The following ITGA8 variants were observed in gnomAD, a reference collection of about 807,000 sequenced individuals.
The protein encoded by ITGA8 is integrin alpha-8.
A neutral mutation model predicts 142.3 loss-of-function variants in ITGA8; 91 were observed. The observed-to-expected ratio is 0.64, with a 90% CI of 0.54 to 0.76. ITGA8 has a LOEUF of 0.76. Ranked by LOEUF, ITGA8 falls within the 30% of genes least tolerant of loss-of-function variation. ITGA8 has a pLI of 0.00. For missense variants in ITGA8, 1,406 were observed against 1,327.7 expected, an observed-to-expected ratio of 1.06 and a Z score of -0.92; for synonymous variants, 505 against 485.2, an observed-to-expected ratio of 1.04 and a Z score of -0.54.
chr10:15,682,771 A>G (rs1299049096), intron 4 of ITGA8, among the ~76,000 whole-genome samples: 1 of 150,808 alleles, frequency 6.6e-6, no homozygotes, highest in Non-Finnish European at 1.5e-5. Context: ...GGATTGCTTG[A>G]GCCCAGGAAG....
At position 15,643,375 on chromosome 10, in the gene ITGA8, G is replaced by A. The variant is rs1460923423; in HGVS notation, c.1399+655C>T. ...GCTCAGTGCAGCCTCCGCCTCCCGG[G>A]TTCAGGTGATTCTTGTGCCTCAGCC... On this transcript the variant is annotated intron_variant, in intron 13 of 29. Transcript: ENST00000378076. 2.6e-5 allele frequency among the ~76,000 whole-genome samples: 4 copies of A among 152,158 alleles called. No individual in the cohort carries two copies. The South Asian group carries it at 6.2e-4, about 24-fold the overall frequency.
Position 15,607,691 on chromosome 10 carries a change from T to C in ITGA8, c.1750A>G (p.Ile584Val), listed in dbSNP as rs372458800. The change falls in exon 17 of 30, where the codon ATC becomes GTC. Residue 584 changes from isoleucine (I) to valine (V), a missense_variant. Coordinates refer to ENST00000378076, the MANE Select transcript of ITGA8 (RefSeq NM_003638.3). ...RQKSHQCQDF[I>V]VYLRDETEFR... is the part of the protein sequence containing the mutation. ...GGAATACTTACTCGAAGGTAAACGATGAAATCCTGGCACTGGTGGGATTTC... is the reference window on the plus strand; with the variant it reads ...GGAATACTTACTCGAAGGTAAACGACGAAATCCTGGCACTGGTGGGATTTC... 2.2e-5 allele frequency: 36 copies of C among 1,613,752 alleles called. No homozygotes were observed. The African/African-American group carries it at 4.7e-4, about 21-fold the overall frequency.
chr10:15,565,818 G>A (rs1834069153), intron 25 of ITGA8, among the ~76,000 whole-genome samples: 1 of 151,894 alleles, frequency 6.6e-6, no homozygotes, highest in Non-Finnish European at 1.5e-5. Context: ...TTGAACTCCT[G>A]ACTTCAAGTG....
intron 3 of ITGA8, among the ~76,000 whole-genome samples, chr10:15,685,178 G>A (rs533011001): frequency 6.6e-6 from 1 of 152,320 alleles, no homozygotes; most frequent in East Asian, 1.9e-4. Context: ...GGCAATTCAA[G>A]TCTCTGGCCC....
chr10:15,586,678 A>C lies in ITGA8; in HGVS notation c.2292-14T>G, dbSNP rs1588660090. On this transcript the variant is annotated splice_polypyrimidine_tract_variant and intron_variant, in intron 22 of 29. Coordinates refer to ENST00000378076, the MANE Select transcript of ITGA8 (RefSeq NM_003638.3). Reference sequence around the variant, plus strand: ...TCCTTGTTGGAACTAAAACACAAGGACATGTGATTTAAATCTATCTGCTCA... The same window carrying C: ...TCCTTGTTGGAACTAAAACACAAGGCCATGTGATTTAAATCTATCTGCTCA... The C allele has an allele frequency of 6.5e-7, 1 of 1,528,788 alleles. No individual in the cohort carries two copies. The allele number at this position is 1,528,788 out of a possible 1,614,324, so 94.7% of individuals were successfully genotyped here. A position where few individuals can be genotyped will look rare whatever the true frequency, so the allele number is the denominator to read the frequency against.
chr10:15,639,707 G>T (rs1481043552), intron 13 of ITGA8, among the ~76,000 whole-genome samples: 1 of 152,194 alleles, frequency 6.6e-6, no homozygotes, highest in Non-Finnish European at 1.5e-5. Flanking sequence ...CATTCCCAAA[G>T]TACTGCACAC....
chr10:15,531,870 G>C (rs7087904), intron 27 of ITGA8, among the ~76,000 whole-genome samples: 17,080 of 152,082 alleles, frequency 0.11, 1,022 homozygotes, highest in Middle Eastern at 0.16. Context: ...GCTTGAACCT[G>C]GGGGGCGCAG....
Position 15,694,111 on chromosome 10 carries a change from A to G in ITGA8, c.344-6073T>C, listed in dbSNP as rs926759193. 4.8e-5 allele frequency among the ~76,000 whole-genome samples: 7 copies of G among 146,170 alleles called. No individual in the cohort carries two copies. In the East Asian group the frequency reaches 1.4e-3, roughly 29 times the overall value. On this transcript the variant is annotated intron_variant, in intron 2 of 29. Transcript: ENST00000378076. ...TATATTTATAATATACCTATATATT[A>G]TATATCATATATCTATATTATATAG...
intron 25 of ITGA8, among the ~76,000 whole-genome samples, chr10:15,566,327 G>A (rs1320104905): frequency 2.6e-5 from 4 of 152,144 alleles, no homozygotes; most frequent in Admixed American, 1.3e-4. Flanking sequence ...TTAGTCTATA[G>A]AGTCTTTCAG....
chr10:15,665,452 C>T (rs1289118023), intron 8 of ITGA8, among the ~76,000 whole-genome samples: 1 of 151,854 alleles, frequency 6.6e-6, no homozygotes, highest in African/African-American at 2.4e-5. Context: ...AAAATTTTTT[C>T]CCATTTTTTA....
chr10:15,664,629 T>A (rs2131676288), intron 8 of ITGA8, among the ~76,000 whole-genome samples: 1 of 151,976 alleles, frequency 6.6e-6, no homozygotes, highest in African/African-American at 2.4e-5. Flanking sequence ...ACTCGTCATT[T>A]AGCATTAGGT....
chr10:15,619,906 C>CATAATTCATAAATTCATAA (rs1833457955), intron 13 of ITGA8, among the ~76,000 whole-genome samples: 1 of 152,196 alleles, frequency 6.6e-6, no homozygotes, highest in Non-Finnish European at 1.5e-5. Context: ...GTGCTTTGTT[C>CATAATTCATAAATTCATAA]TTGGCCCCAA....
chr10:15,616,697 C>G (rs76641710), intron 13 of ITGA8, 138 bp from the exon 14 acceptor site: 1 of 725,068 alleles, frequency 1.4e-6, no homozygotes, highest in African/African-American at 1.8e-5. Context: ...GAAATCACAC[C>G]TTTCTTAAGG....
chr10:15,670,685 T>C lies in ITGA8; in HGVS notation c.847+918A>G, dbSNP rs117092565. ...TAGGCAGCCAGTGTGATTTGTTCTCTTTTTTTCTTTTAGATTACAAGCATG... is the reference window on the plus strand; with the variant it reads ...TAGGCAGCCAGTGTGATTTGTTCTCCTTTTTTCTTTTAGATTACAAGCATG... On this transcript the variant is annotated intron_variant, in intron 8 of 29. Transcript: ENST00000378076. Among the ~76,000 whole-genome samples the C allele has an allele frequency of 1.1e-3, 171 of 152,290 alleles. 1 individual carries two copies. The East Asian group carries it at 0.026, about 23-fold the overall frequency.
At chr10:15,640,363 T>C (rs1234912769) in intron 13 of ITGA8, among the ~76,000 whole-genome samples, 5 of 152,154 alleles carry the variant, frequency 3.3e-5, no homozygotes, top group Non-Finnish European at 7.4e-5. Context: ...CATTTTGGGG[T>C]ATGCTGATGT....
At chr10:15,677,566 T>G in intron 6 of ITGA8, 26 bp downstream of exon 6, 3 of 1,604,192 alleles carry the variant, frequency 1.9e-6, no homozygotes, top group Non-Finnish European at 2.6e-6. Context: ...ACAAATGTGC[T>G]TTTCTTGTCT....
rs575750585 is a variant in ITGA8 at position 15,605,651 on chromosome 10, C to T, written c.1970+73G>A. The T allele has an allele frequency of 1.4e-4, 174 of 1,233,266 alleles. No homozygotes were observed. In the African/African-American group the frequency reaches 2.2e-3, roughly 16 times the overall value. The allele number at this position is 1,233,266 out of a possible 1,614,324, so 76.4% of individuals were successfully genotyped here. A position where few individuals can be genotyped will look rare whatever the true frequency, so the allele number is the denominator to read the frequency against. On this transcript the variant is annotated intron_variant, in intron 19 of 29. Transcript: ENST00000378076. ...GGTAGTTATTGGAAGTGTATACTTT[C>T]TCCAGAGAACCTTTACATAAATACC...
intron 27 of ITGA8, among the ~76,000 whole-genome samples, chr10:15,536,327 G>C (rs1279946646): frequency 6.6e-6 from 1 of 152,128 alleles, no homozygotes; most frequent in African/African-American, 2.4e-5. Flanking sequence ...TTTAAAGAAT[G>C]CTCTGGAGCT....
intron 6 of ITGA8, among the ~76,000 whole-genome samples, chr10:15,676,932 C>G (rs1241752795): frequency 6.6e-6 from 1 of 152,072 alleles, no homozygotes; most frequent in Non-Finnish European, 1.5e-5. Flanking sequence ...TTGCTTGAAC[C>G]TAGGAGGTGG....
Sources: gnomAD v4.1 joint callset for allele counts (sites outside exome capture counted in the v4.1 genomes callset) on GRCh38, gnomAD v4.1.1 for gene constraint, MANE v1.5 for transcripts, NCBI Gene and HGNC (gene_info 2026-07-23, HGNC 2026-07-21) for gene names.